ZEB1: variants seen among roughly 807,000 people sequenced by gnomAD.
The protein encoded by ZEB1 is zinc finger E-box-binding homeobox 1.
In ZEB1, 21 loss-of-function variants were observed where a neutral mutation model predicts 84.9. The observed-to-expected ratio is 0.25, with a 90% CI of 0.18 to 0.36. The LOEUF (loss-of-function observed/expected upper bound fraction) is 0.36, where lower values mean the gene tolerates loss of function less well. Ranked by LOEUF, ZEB1 falls within the 10% of genes least tolerant of loss-of-function variation. ZEB1 has a pLI of 1.00. For missense variants in ZEB1, 1,104 were observed against 1,330.2 expected (o/e 0.83, Z 2.65); for synonymous variants, 420 against 471.1 (o/e 0.89, Z 1.41).
chr10:31,501,013 A>T (rs911726944), intron 3 of ZEB1, among the ~76,000 whole-genome samples: 7 of 152,244 alleles, frequency 4.6e-5, no homozygotes, highest in Admixed American at 4.6e-4. Flanking sequence ...GGTTTTAAAC[A>T]GCAGTCACCC....
At chr10:31,443,840 C>G (rs1380650399) in intron 1 of ZEB1, among the ~76,000 whole-genome samples, 2 of 151,234 alleles carry the variant, frequency 1.3e-5, no homozygotes, top group African/African-American at 4.9e-5. Flanking sequence ...GGCTCCAAGT[C>G]TTTGCTATCG....
chr10:31,451,638 C>T (rs1022006454), intron 1 of ZEB1, among the ~76,000 whole-genome samples: 18 of 152,176 alleles, frequency 1.2e-4, no homozygotes, highest in African/African-American at 4.3e-4. Context: ...AAAAAGGAAT[C>T]ATCTTTTTTG....
At chr10:31,365,682 A>T (rs2044326321) in intron 1 of ZEB1, among the ~76,000 whole-genome samples, 1 of 152,192 alleles carries the variant, frequency 6.6e-6, no homozygotes, top group African/African-American at 2.4e-5. Flanking sequence ...CATATGAATC[A>T]CTCGATTGAG....
At chr10:31,525,556 C>G (rs373791149) in intron 8 of ZEB1, among the ~76,000 whole-genome samples, 1 of 152,208 alleles carries the variant, frequency 6.6e-6, no homozygotes, top group African/African-American at 2.4e-5. Flanking sequence ...GTAGAAGGGG[C>G]TGGGTTTATC....
chr10:31,475,035 G>A (rs2063882502), intron 2 of ZEB1, among the ~76,000 whole-genome samples: 1 of 136,538 alleles, frequency 7.3e-6, no homozygotes, highest in Non-Finnish European at 1.6e-5. Flanking sequence ...CACAGGAAGG[G>A]GAACATCACA....
At chr10:31,381,356 A>G (rs902530231) in intron 1 of ZEB1, among the ~76,000 whole-genome samples, 1 of 152,224 alleles carries the variant, frequency 6.6e-6, no homozygotes, top group African/African-American at 2.4e-5. Context: ...TATCCCATTC[A>G]GAATTGCAAC....
At chr10:31,410,088 G>T (rs908135177) in intron 1 of ZEB1, among the ~76,000 whole-genome samples, 4 of 152,170 alleles carry the variant, frequency 2.6e-5, no homozygotes, top group African/African-American at 9.7e-5. Flanking sequence ...TCTTGTGCCG[G>T]TTTTCAAAGG....
At position 31,368,507 on chromosome 10, in the gene ZEB1, C is replaced by CA. The variant is rs2045027237; in HGVS notation, c.58+49217dup. Among the ~76,000 whole-genome samples the CA allele has an allele frequency of 3.3e-5, 5 of 152,270 alleles. No individual in the cohort carries two copies. In the South Asian group the frequency reaches 1.0e-3, roughly 32 times the overall value. On this transcript the variant is annotated intron_variant, in intron 1 of 8. Coordinates refer to ENST00000424869, the MANE Select transcript of ZEB1 (RefSeq NM_001174096.2). Reference sequence around the variant, plus strand: ...TCTAGCTTACTTATAATACCTAATACAATACAAATGCTGTGTAAATAGCTA... The same window carrying CA: ...TCTAGCTTACTTATAATACCTAATACAAATACAAATGCTGTGTAAATAGCTA...
chr10:31,475,616 A>G (rs980444339), intron 2 of ZEB1, among the ~76,000 whole-genome samples: 3 of 152,184 alleles, frequency 2.0e-5, no homozygotes, highest in Admixed American at 1.3e-4. Flanking sequence ...ACCTTGTAAA[A>G]CATAAGAGAT....
Position 31,461,018 on chromosome 10 carries a change from TTTC to T in ZEB1, c.59-16_59-14del, listed in dbSNP as rs776019464. On this transcript the variant is annotated splice_polypyrimidine_tract_variant and intron_variant, in intron 1 of 8. Transcript: ENST00000424869. ...TTTACTAGTTGGTTTTGATTATTTG[TTTC>T]TTGTTTGTATTACAGTTACAAATTA... 4 of 1,602,224 alleles carry T rather than the reference TTTC, an allele frequency of 2.5e-6. No individual in the cohort carries two copies. Among genetic ancestry groups the T allele is most frequent in the Non-Finnish European group, 3.4e-6 (4 of 1,170,454 alleles).
At position 31,370,998 on chromosome 10, in the gene ZEB1, C is replaced by T. The variant is rs142761582; in HGVS notation, c.58+51706C>T. On this transcript the variant is annotated intron_variant, in intron 1 of 8. Transcript: ENST00000424869. ...CCTCACAAACTGCTGGGATTACAGG[C>T]GTGAGCCTCCATGCCTGGCCAAATT... is the stretch of plus-strand genomic sequence containing the variant. Among the ~76,000 whole-genome samples the T allele has an allele frequency of 2.5e-3, 383 of 152,216 alleles. 5 individuals carry two copies. The highest frequency in any genetic ancestry group is 8.9e-3 in the African/African-American group (371 of 41,516).
At chr10:31,431,494 A>G (rs900740011) in intron 1 of ZEB1, among the ~76,000 whole-genome samples, 1 of 152,216 alleles carries the variant, frequency 6.6e-6, no homozygotes, top group East Asian at 1.9e-4. Context: ...GGATCCTAGT[A>G]TGTAAAAATC....
At chr10:31,459,888 G>T (rs1403037259) in intron 1 of ZEB1, among the ~76,000 whole-genome samples, 2 of 141,268 alleles carry the variant, frequency 1.4e-5, no homozygotes, top group East Asian at 2.1e-4. Context: ...TGTGTAGAGG[G>T]ATATGTATAC....
At chr10:31,410,562 T>G (rs2054046692) in intron 1 of ZEB1, among the ~76,000 whole-genome samples, 1 of 152,214 alleles carries the variant, frequency 6.6e-6, no homozygotes, top group Non-Finnish European at 1.5e-5. Flanking sequence ...TTGTTCGAGA[T>G]AGTTTCAGAA....
At chr10:31,440,499 G>C (rs960581742) in intron 1 of ZEB1, among the ~76,000 whole-genome samples, 8 of 151,904 alleles carry the variant, frequency 5.3e-5, no homozygotes, top group Non-Finnish European at 8.8e-5. Flanking sequence ...ACTGGCGCAA[G>C]ACAGGGGTGC....
At chr10:31,373,074 A>G (rs2045989021) in intron 1 of ZEB1, 1 of 985,414 alleles carries the variant, frequency 1.0e-6, no homozygotes, top group Admixed American at 6.2e-5. Context: ...TGAAGACATG[A>G]TCATCCAAAT....
At chr10:31,422,145 A>G (rs1036329101) in intron 1 of ZEB1, among the ~76,000 whole-genome samples, 1 of 152,108 alleles carries the variant, frequency 6.6e-6, no homozygotes, top group Middle Eastern at 3.2e-3. Flanking sequence ...AGTCTTTCAA[A>G]TAGATGTTTT....
chr10:31,332,860 G>T (rs2133314215), intron 1 of ZEB1, among the ~76,000 whole-genome samples: 1 of 152,140 alleles, frequency 6.6e-6, no homozygotes, highest in Middle Eastern at 3.4e-3. Flanking sequence ...GGACTTTTGT[G>T]TTCTATGTTA....
At chr10:31,365,398 A>G (rs2044261525) in intron 1 of ZEB1, among the ~76,000 whole-genome samples, 1 of 152,178 alleles carries the variant, frequency 6.6e-6, no homozygotes, top group Admixed American at 6.5e-5. Flanking sequence ...TGGCCACTCT[A>G]CATCTTGTTA....
Sources: gnomAD v4.1 joint callset for allele counts (sites outside exome capture counted in the v4.1 genomes callset) on GRCh38, gnomAD v4.1.1 for gene constraint, MANE v1.5 for transcripts, NCBI Gene and HGNC (gene_info 2026-07-23, HGNC 2026-07-21) for gene names.